Variants in ACP1 observed in about 807,000 individuals in gnomAD.
ACP1 encodes the protein acid phosphatase 1.
In ACP1, 23 loss-of-function variants were observed where a neutral mutation model predicts 23.4. The observed-to-expected ratio is 0.98, with a 90% CI of 0.71 to 1.39. ACP1 has a LOEUF of 1.39. Among genes scored for constraint, ACP1 ranks in the 40% most tolerant of loss-of-function variants. The pLI is 0.00. For missense variants in ACP1, 180 were observed against 197.7 expected (o/e 0.91, Z 0.54); for synonymous variants, 72 against 67.2 (o/e 1.07, Z -0.35).
In ACP1 at chr2:277,231, A is replaced by G; in HGVS notation, c.404A>G (p.Asn135Ser). ...QLIIEDPYYG[N>S]DSDFETVYQQ... ...TTCTTTTTCCTGTCCATTTAGGGGA[A>G]TGACTCTGACTTTGAGACGGTGTAC... Residue 135 changes from asparagine (N) to serine (S), a missense_variant, in exon 6 of 6, where the codon AAT becomes AGT. This residue lies in a region of ACP1 where 35 missense variants were observed against 40.5 expected (regional missense o/e 0.86). Coordinates refer to ENST00000272065, the MANE Select transcript of ACP1 (RefSeq NM_004300.4). The G allele has an allele frequency of 6.2e-7, 1 of 1,614,124 alleles. No individual in the cohort carries two copies. The highest frequency in any genetic ancestry group is 8.5e-7 in the Non-Finnish European group (1 of 1,180,006).
chr2:276,714 T>C (rs960394212), intron 4 of ACP1, among the ~76,000 whole-genome samples: 1 of 152,168 alleles, frequency 6.6e-6, no homozygotes, highest in Non-Finnish European at 1.5e-5. Context: ...AAAATGTATT[T>C]TGTGGGAGAA....
At chr2:268,883 G>A (rs1421351317) in intron 1 of ACP1, among the ~76,000 whole-genome samples, 1 of 152,178 alleles carries the variant, frequency 6.6e-6, no homozygotes, top group Non-Finnish European at 1.5e-5. Context: ...AATCAACAGG[G>A]CAAGCTACTG....
chr2:268,894 C>T (rs1186069090), intron 1 of ACP1, among the ~76,000 whole-genome samples: 1 of 152,186 alleles, frequency 6.6e-6, no homozygotes. Flanking sequence ...CAAGCTACTG[C>T]TAGCCTTTAG....
rs140791201 is a variant in ACP1, at chr2:268,169, G to A, written c.43+3162G>A. Among the ~76,000 whole-genome samples, 935 of 152,302 alleles carry A rather than the reference G, an allele frequency of 6.1e-3. 2 individuals carry two copies. Among genetic ancestry groups the A allele is most frequent in the Middle Eastern group, 0.02 (6 of 294 alleles). On this transcript the variant is annotated intron_variant, in intron 1 of 5. Coordinates refer to ENST00000272065, the MANE Select transcript of ACP1 (RefSeq NM_004300.4). ...TCAAATTTAAGTTTAAAAAAGAAGA[G>A]TTTCAGCTGTTGTTTTGAGATGAAA...
intron 3 of ACP1, 43 bp from the exon 4 acceptor site, chr2:275,097 G>T: frequency 9.5e-7 from 1 of 1,054,214 alleles, no homozygotes; most frequent in Non-Finnish European, 1.4e-6. Context: ...CTCTAGGCTT[G>T]AATGGTATAA....
At chr2:271,724 A>C in intron 1 of ACP1, 142 bp from the exon 2 acceptor site, 2 of 714,124 alleles carry the variant, frequency 2.8e-6, no homozygotes, top group Non-Finnish European at 2.5e-6. Flanking sequence ...GGTTGGACAA[A>C]GGCGTCAAAG....
At chr2:276,439 A>G (rs1170159886) in intron 4 of ACP1, among the ~76,000 whole-genome samples, 2 of 152,198 alleles carry the variant, frequency 1.3e-5, no homozygotes, top group African/African-American at 2.4e-5. Context: ...TGTTAAATAA[A>G]TGGAGGCGCT....
intron 1 of ACP1, among the ~76,000 whole-genome samples, chr2:270,635 G>A (rs1216071461): frequency 1.3e-5 from 2 of 152,026 alleles, no homozygotes; most frequent in African/African-American, 4.8e-5. Context: ...ATAGAGTTCA[G>A]CTGAATGGCC....
chr2:269,895 T>C (rs767423376), intron 1 of ACP1, among the ~76,000 whole-genome samples: 1 of 152,232 alleles, frequency 6.6e-6, no homozygotes, highest in East Asian at 1.9e-4. Context: ...CAGCTGTGCA[T>C]TGGTCATCTA....
At chr2:266,670 T>C (rs1424856054) in intron 1 of ACP1, among the ~76,000 whole-genome samples, 1 of 152,188 alleles carries the variant, frequency 6.6e-6, no homozygotes, top group Non-Finnish European at 1.5e-5. Flanking sequence ...CATTTAAAAC[T>C]GTGGTCGCAA....
At chr2:266,763 G>A (rs887107105) in intron 1 of ACP1, among the ~76,000 whole-genome samples, 2 of 152,058 alleles carry the variant, frequency 1.3e-5, no homozygotes, top group African/African-American at 4.8e-5. Flanking sequence ...AGATTTGTTC[G>A]TACTGTAGAT....
Position 271,877 on chromosome 2 carries a change from C to T in ACP1, c.55C>T (p.Arg19Ter), listed in dbSNP as rs372045419. ...CCCTTTTTTTAAAGGTAACATTTGT[C>T]GATCACCCATTGCAGAAGCAGTTTT... ...VLFVCLGNICRSPIAEAVFRK... is the reference protein window; with the variant it reads ...VLFVCLGNIC The change falls in exon 2 of 6, where the codon CGA becomes TGA. Residue 19 changes from arginine to a stop codon, truncating the protein, a stop_gained. Coordinates refer to ENST00000272065, the MANE Select transcript of ACP1 (RefSeq NM_004300.4). LOFTEE classifies it high-confidence loss of function. 3.0e-5 allele frequency: 48 copies of T among 1,610,714 alleles called. No homozygotes were observed. The highest frequency in any genetic ancestry group is 9.4e-5 in the African/African-American group (7 of 74,692).
chr2:273,795 T>G (rs1381593023), intron 3 of ACP1, among the ~76,000 whole-genome samples: 1 of 152,180 alleles, frequency 6.6e-6, no homozygotes, highest in African/African-American at 2.4e-5. Flanking sequence ...TATGAAAAAT[T>G]TACAATTAGT....
At chr2:270,031 C>T (rs1669987751) in intron 1 of ACP1, among the ~76,000 whole-genome samples, 1 of 152,160 alleles carries the variant, frequency 6.6e-6, no homozygotes, top group Admixed American at 6.5e-5. Flanking sequence ...CACACCTTTC[C>T]ACTCTGACAC....
At chr2:266,085 G>T (rs1034308892) in intron 1 of ACP1, among the ~76,000 whole-genome samples, 1 of 151,954 alleles carries the variant, frequency 6.6e-6, no homozygotes, top group Non-Finnish European at 1.5e-5. Context: ...ATACAGAAAA[G>T]GTGTGATTCC....
chr2:276,388 T>TGACTCATC (rs751573512), intron 4 of ACP1, among the ~76,000 whole-genome samples: 2 of 152,212 alleles, frequency 1.3e-5, no homozygotes, highest in Non-Finnish European at 2.9e-5. Context: ...AGCACGTACC[T>TGACTCATC]GACTCATCAA....
chr2:275,920 C>T (rs569828373), intron 4 of ACP1, among the ~76,000 whole-genome samples: 27 of 152,300 alleles, frequency 1.8e-4, no homozygotes, highest in African/African-American at 6.5e-4. Context: ...GATAGGGATG[C>T]ACCAGTTTCA....
rs1222857687 is a variant in ACP1, at chr2:275,783, C to T, written c.293+582C>T. ...CCCAGTCCCATGTTCAAGGCGTCAT[C>T]GGGAACGGATCATAATTTAATGTCA... On this transcript the variant is annotated intron_variant, in intron 4 of 5. Coordinates refer to ENST00000272065, the MANE Select transcript of ACP1 (RefSeq NM_004300.4). Among the ~76,000 whole-genome samples, 5 of 152,168 alleles carry T rather than the reference C, an allele frequency of 3.3e-5. No individual in the cohort carries two copies. The East Asian group carries it at 7.7e-4, about 23-fold the overall frequency.
intron 3 of ACP1, chr2:272,631 G>C (rs916981492): frequency 1.9e-6 from 1 of 526,358 alleles, no homozygotes; most frequent in Non-Finnish European, 3.1e-6. Context: ...TCATCCTGCT[G>C]ATATTGCAAG....
Sources: gnomAD v4.1 joint callset for allele counts (sites outside exome capture counted in the v4.1 genomes callset) on GRCh38, gnomAD v4.1.1 for gene constraint, gnomAD v4.1.1 regional missense constraint, MANE v1.5 for transcripts, NCBI Gene and HGNC (gene_info 2026-07-23, HGNC 2026-07-21) for gene names.